The following C1orf141 variants were observed in gnomAD, a reference collection of about 807,000 sequenced individuals.
C1orf141 encodes the protein chromosome 1 open reading frame 141.
A neutral mutation model predicts 23.2 loss-of-function variants in C1orf141; 19 were observed. The ratio of observed to expected loss-of-function variants is 0.82; its 90% CI spans 0.57 to 1.20. The LOEUF is 1.20. Among genes scored for constraint, C1orf141 ranks in the 50% most tolerant of loss-of-function variants. C1orf141 has a pLI of 0.00. For synonymous variants in C1orf141, 153 were observed against 154.6 expected, an observed-to-expected ratio of 0.99 and a Z score of 0.08; for missense variants, 469 against 455.1, an observed-to-expected ratio of 1.03 and a Z score of -0.28.
At chr1:67,101,383 A>T (rs1344832280) in intron 5 of C1orf141, among the ~76,000 whole-genome samples, 1 of 151,616 alleles carries the variant, frequency 6.6e-6, no homozygotes, top group Non-Finnish European at 1.5e-5. Flanking sequence ...CCCAAGGGGG[A>T]CAATTTTGCA....
At chr1:67,130,681 T>C (rs1276103865) in intron 2 of C1orf141, among the ~76,000 whole-genome samples, 2 of 147,168 alleles carry the variant, frequency 1.4e-5, no homozygotes, top group African/African-American at 5.5e-5. Context: ...AAAATCACTG[T>C]GCAGATCATG....
intron 5 of C1orf141, among the ~76,000 whole-genome samples, chr1:67,114,365 A>T (rs966940768): frequency 2.6e-5 from 4 of 152,252 alleles, no homozygotes; most frequent in Non-Finnish European, 4.4e-5. Flanking sequence ...ATAATTTTCC[A>T]AATACCGTCC....
In C1orf141 at chr1:67,115,475, T is replaced by G. The variant is rs767751659; in HGVS notation, c.234-11A>C. The stretch of plus-strand genomic sequence containing the variant: ...TTGAAAGAGACATGCCTGGAAGAAA[T>G]AAAAATTAATTTAAATTAAAATAAT... On this transcript the variant is annotated splice_polypyrimidine_tract_variant and intron_variant, in intron 4 of 7. Transcript: ENST00000684719. 46 of 1,050,500 alleles carry G rather than the reference T, an allele frequency of 4.4e-5. No homozygotes were observed. The highest frequency in any genetic ancestry group is 5.9e-5 in the Non-Finnish European group (42 of 714,454). The allele number at this position is 1,050,500 out of a possible 1,614,324, so 65.1% of individuals were successfully genotyped here. A position where few individuals can be genotyped will look rare whatever the true frequency, so the allele number is the denominator to read the frequency against.
chr1:67,132,392 G>A (rs899875740), intron 1 of C1orf141, among the ~76,000 whole-genome samples: 1 of 152,052 alleles, frequency 6.6e-6, no homozygotes, highest in Admixed American at 6.6e-5. Context: ...TCATGGTGGC[G>A]CACGCCTGTA....
chr1:67,093,014 A>AT lies in C1orf141; in HGVS notation c.1193dup (p.Asn398LysfsTer13). 6.3e-7 allele frequency: 1 copy of AT among 1,577,516 alleles called. No individual in the cohort carries two copies. The highest frequency in any genetic ancestry group is 8.7e-7 in the Non-Finnish European group (1 of 1,154,920). On this transcript the variant is annotated frameshift_variant, in exon 8 of 8. Transcript: ENST00000684719. LOFTEE classifies it high-confidence loss of function. The stretch of plus-strand genomic sequence containing the variant: ...CTGCATACATAATATTTTATGAGGC[A>AT]TTTAAAATTTCATTTGATAAGTTTA...
In C1orf141 at chr1:67,093,187, T is replaced by C; in HGVS notation, c.1021A>G (p.Ser341Gly). Reference sequence around the variant, plus strand: ...CTTTCAAATTTTCCAGTTTGGGCACTCATTTCATGAATAACAGCTTTATCA... The same window carrying C: ...CTTTCAAATTTTCCAGTTTGGGCACCCATTTCATGAATAACAGCTTTATCA... The part of the protein sequence containing the change: ...YLDKAVIHEM[S>G]AQTGKFERMF... The change falls in exon 8 of 8, where the codon AGT becomes GGT. Residue 341 changes from serine to glycine, a missense_variant. Transcript: ENST00000684719. The C allele has an allele frequency of 1.3e-6, 2 of 1,584,672 alleles. No homozygotes were observed. The highest frequency in any genetic ancestry group is 1.7e-6 in the Non-Finnish European group (2 of 1,154,544).
At chr1:67,132,040 C>A (rs1422784212) in intron 1 of C1orf141, among the ~76,000 whole-genome samples, 1 of 151,768 alleles carries the variant, frequency 6.6e-6, no homozygotes, top group Non-Finnish European at 1.5e-5. Context: ...ACCTCGGCCT[C>A]CCAAAGTTCT....
intron 5 of C1orf141, among the ~76,000 whole-genome samples, chr1:67,110,680 A>G (rs1210791107): frequency 1.3e-5 from 2 of 151,886 alleles, no homozygotes; most frequent in East Asian, 1.9e-4. Context: ...TTTACATAAG[A>G]TGCTAGTAAA....
chr1:67,105,426 T>C (rs1396556448), intron 5 of C1orf141, among the ~76,000 whole-genome samples: 1 of 151,982 alleles, frequency 6.6e-6, no homozygotes, highest in Non-Finnish European at 1.5e-5. Context: ...AATATATTAG[T>C]CTATGACATG....
At chr1:67,095,628 TA>T in intron 6 of C1orf141, 1 of 428,526 alleles carries the variant, frequency 2.3e-6, no homozygotes, top group Non-Finnish European at 4.1e-6. Context: ...GAGAGTCATA[TA>T]TATGCCTCTT....
chr1:67,093,206 T>A lies in C1orf141; in HGVS notation c.1002A>T (p.Lys334Asn). 6.2e-7 allele frequency: 1 copy of A among 1,613,914 alleles called. No individual in the cohort carries two copies. The highest frequency in any genetic ancestry group is 8.5e-7 in the Non-Finnish European group (1 of 1,179,834). Residue 334 changes from lysine (K) to asparagine (N), a missense_variant, in exon 8 of 8, where the codon AAA (lysine) becomes AAT (asparagine). Physicochemically the swap from Lys to Asn is moderately conservative, Grantham distance 94 (BLOSUM62 0). Transcript: ENST00000684719. ...GGGCACTCATTTCATGAATAACAGC[T>A]TTATCAAGGTAACCCACAAATTGTT... ...LTKQFVGYLDKAVIHEMSAQT... is the reference protein window; with the variant it reads ...LTKQFVGYLDNAVIHEMSAQT...
rs145161779 is a variant in C1orf141, at chr1:67,093,584, G to A, written c.624C>T (p.Pro208=). ...CATATTCTGTGTCATGGAAAATTAT[G>A]GGATTTGTGTCCTTTTGTTCCTGTA... ...TSHMEQKDTN[P]IIFHDTEYVR... Residue 208 remains proline (P), a synonymous_variant, in exon 8 of 8, where the codon CCC becomes CCT. Coordinates refer to ENST00000684719, the MANE Select transcript of C1orf141 (RefSeq NM_001276351.2). 1.3e-6 allele frequency: 2 copies of A among 1,567,246 alleles called. No homozygotes were observed. The highest frequency in any genetic ancestry group is 1.2e-5 in the South Asian group (1 of 81,710).
chr1:67,103,362 C>A, intron 5 of C1orf141: 2 of 1,411,390 alleles, frequency 1.4e-6, no homozygotes, highest in Non-Finnish European at 1.9e-6. Flanking sequence ...ATAGAACATT[C>A]AAAGGCCCTG....
Position 67,108,731 on chromosome 1 carries a change from AAAAC to A in C1orf141, c.346+6617_346+6620del, listed in dbSNP as rs201659165. 6.3e-3 allele frequency among the ~76,000 whole-genome samples: 952 copies of A among 152,250 alleles called. 11 individuals carry two copies. Among genetic ancestry groups the A allele is most frequent in the African/African-American group, 0.022 (921 of 41,532 alleles). On this transcript the variant is annotated intron_variant, in intron 5 of 7. Transcript: ENST00000684719. ...TGATGGAGCAAGACTCTGTCTCAAA[AAAAC>A]AAACAAACAACAAAAACCAACAAAT...
chr1:67,117,907 T>C (rs1570715063), intron 4 of C1orf141, among the ~76,000 whole-genome samples: 1 of 152,198 alleles, frequency 6.6e-6, no homozygotes, highest in African/African-American at 2.4e-5. Context: ...CCATAGAATA[T>C]TGAATACTCT....
chr1:67,131,965 G>C (rs1033074976), intron 1 of C1orf141, among the ~76,000 whole-genome samples: 9 of 151,136 alleles, frequency 6.0e-5, no homozygotes, highest in Non-Finnish European at 1.0e-4. Context: ...TTGTATTTTT[G>C]GTAGAGATGG....
chr1:67,135,322 C>T (rs1359226685), upstream of C1orf141, among the ~76,000 whole-genome samples: 1 of 152,226 alleles, frequency 6.6e-6, no homozygotes, highest in East Asian at 1.9e-4. Flanking sequence ...ATACAGCTTG[C>T]AGGTCTGAAT....
In C1orf141 at chr1:67,125,927, T is replaced by TAAAA; in HGVS notation, c.76-19_76-18insTTTT. The TAAAA allele has an allele frequency of 9.0e-7, 1 of 1,112,206 alleles. No individual in the cohort carries two copies. 68.9% of individuals were successfully genotyped at this position (1,112,206 alleles called of 1,614,324 possible). On this transcript the variant is annotated intron_variant, in intron 3 of 7. Transcript: ENST00000684719. ...CTGTTTATCTGCAGCAATGCCAAAG[T>TAAAA]GAAAAAAAAAAAAAAAAAAAGAGTA...
chr1:67,126,001 T>A, intron 3 of C1orf141, 92 bp from the exon 4 acceptor site: 2 of 1,182,940 alleles, frequency 1.7e-6, no homozygotes, highest in Non-Finnish European at 2.3e-6. Flanking sequence ...AATCTCACTT[T>A]ACACACACAC....
Sources: allele counts gnomAD v4.1 joint callset (sites outside exome capture counted in the v4.1 genomes callset), GRCh38; gene constraint gnomAD v4.1.1; transcripts MANE v1.5; gene names NCBI Gene and HGNC (gene_info 2026-07-23, HGNC 2026-07-21).